TTC28: variants seen among roughly 807,000 people sequenced by gnomAD.
TTC28 encodes the protein tetratricopeptide repeat protein 28.
Under a neutral mutation model 198.0 loss-of-function variants are expected in TTC28, and 61 were observed. The ratio of observed to expected loss-of-function variants is 0.31; its 90% confidence interval spans 0.25 to 0.38. The LOEUF (loss-of-function observed/expected upper bound fraction) is 0.38. Among genes scored for constraint, TTC28 ranks in the 10% least tolerant of loss-of-function variants. The pLI is 1.00. For missense variants in TTC28, 2,678 were observed against 3,164.0 expected (o/e 0.85, Z 3.69); for synonymous variants, 1,171 against 1,297.8 (o/e 0.90, Z 2.10).
At chr22:28,061,065 T>C (rs1283737081) in intron 12 of TTC28, among the ~76,000 whole-genome samples, 1 of 152,156 alleles carries the variant, frequency 6.6e-6, no homozygotes, top group Non-Finnish European at 1.5e-5. Context: ...TTTGATGAGG[T>C]TGTTTGATTT....
At chr22:28,454,293 C>T (rs2047826557) in intron 2 of TTC28, among the ~76,000 whole-genome samples, 1 of 152,156 alleles carries the variant, frequency 6.6e-6, no homozygotes, top group Non-Finnish European at 1.5e-5. Flanking sequence ...CATTTGTTAT[C>T]CAATCCTTAA....
chr22:28,653,181 G>A (rs181310805), intron 1 of TTC28, among the ~76,000 whole-genome samples: 125 of 152,202 alleles, frequency 8.2e-4, no homozygotes, highest in African/African-American at 2.8e-3. Context: ...CTTTGGAGCA[G>A]GTCTACTCCC....
rs1019393807 is a variant in TTC28, at chr22:28,167,687, A to G, written c.934-4088T>C. Among the ~76,000 whole-genome samples, 3 of 152,214 alleles carry G rather than the reference A, an allele frequency of 2.0e-5. No homozygotes were observed. The South Asian group carries it at 6.2e-4, about 32-fold the overall frequency. ...GAAGTATCTCAAAATAGTAAGAGCT[A>G]TCTATGGCAAACCCACAGCCAATAT... On this transcript the variant is annotated intron_variant, in intron 5 of 22. Transcript: ENST00000397906.
chr22:28,486,259 G>A (rs1332721082), intron 2 of TTC28, among the ~76,000 whole-genome samples: 1 of 152,066 alleles, frequency 6.6e-6, no homozygotes, highest in African/African-American at 2.4e-5. Flanking sequence ...TGAAAAACAG[G>A]TATTTCCAGG....
intron 2 of TTC28, among the ~76,000 whole-genome samples, chr22:28,546,296 A>G (rs7289516): frequency 0.54 from 82,368 of 151,918 alleles, 22,933 homozygotes; most frequent in East Asian, 0.66. Flanking sequence ...AAATACAAAA[A>G]TTAGCCAGGT....
chr22:28,523,876 G>C (rs1017121527), intron 2 of TTC28, among the ~76,000 whole-genome samples: 1 of 152,128 alleles, frequency 6.6e-6, no homozygotes, highest in African/African-American at 2.4e-5. Context: ...TAAATGCCAA[G>C]CACAGTACTA....
chr22:28,330,785 A>C (rs557285680), intron 2 of TTC28, among the ~76,000 whole-genome samples: 39 of 152,300 alleles, frequency 2.6e-4, no homozygotes, highest in African/African-American at 8.7e-4. Context: ...AAAGCATATA[A>C]TCAACTTGGG....
intron 2 of TTC28, among the ~76,000 whole-genome samples, chr22:28,346,839 G>C (rs1280171792): frequency 6.6e-6 from 1 of 152,136 alleles, no homozygotes; most frequent in Non-Finnish European, 1.5e-5. Flanking sequence ...TAAGCACATT[G>C]CATTGCACAG....
At chr22:28,211,408 C>A (rs1223894205) in intron 5 of TTC28, among the ~76,000 whole-genome samples, 3 of 152,018 alleles carry the variant, frequency 2.0e-5, no homozygotes, top group African/African-American at 4.8e-5. Flanking sequence ...CAGACACACA[C>A]ATAGGCTCAA....
At chr22:28,054,055 A>G (rs898441755) in intron 12 of TTC28, among the ~76,000 whole-genome samples, 1 of 152,194 alleles carries the variant, frequency 6.6e-6, no homozygotes, top group Non-Finnish European at 1.5e-5. Flanking sequence ...GGAAAATAGA[A>G]TAACAACCCC....
In TTC28 at chr22:27,996,550, T is replaced by C. The variant is rs1320491550; in HGVS notation, c.5120-291A>G. 3.4e-5 allele frequency: 12 copies of C among 356,390 alleles called. No homozygotes were observed. In the East Asian group the frequency reaches 5.5e-4, roughly 16 times the overall value. 22.1% of individuals were successfully genotyped at this position (356,390 alleles called of 1,614,324 possible). A position where few individuals can be genotyped will look rare whatever the true frequency, so the allele number is the denominator to read the frequency against. On this transcript the variant is annotated intron_variant, in intron 16 of 22. Transcript: ENST00000397906. ...TGCAGTAGGAAAACCTGCCTTGTTT[T>C]CTCTGAAATTCATCTTTGTCTATCC...
intron 12 of TTC28, 92 bp from the exon 13 acceptor site, chr22:28,030,458 A>G (rs1244593088): frequency 4.1e-6 from 6 of 1,479,452 alleles, no homozygotes; most frequent in Non-Finnish European, 5.4e-6. Flanking sequence ...TCTGTCACCA[A>G]ACGAACCTCT....
intron 2 of TTC28, among the ~76,000 whole-genome samples, chr22:28,562,805 G>C (rs1025858460): frequency 1.3e-5 from 2 of 152,180 alleles, no homozygotes; most frequent in Non-Finnish European, 2.9e-5. Flanking sequence ...CTTCATCAGA[G>C]GAAGGGTTTT....
At chr22:28,374,171 A>G (rs1407161768) in intron 2 of TTC28, among the ~76,000 whole-genome samples, 2 of 152,236 alleles carry the variant, frequency 1.3e-5, no homozygotes, top group Non-Finnish European at 2.9e-5. Flanking sequence ...TACAGAGAAG[A>G]CATTTGCTTT....
intron 2 of TTC28, among the ~76,000 whole-genome samples, chr22:28,404,048 A>C (rs960793498): frequency 6.6e-6 from 1 of 152,224 alleles, no homozygotes; most frequent in Non-Finnish European, 1.5e-5. Flanking sequence ...GGCAAATGAC[A>C]CATAGCTACT....
At chr22:28,446,540 G>A (rs2146243100) in intron 2 of TTC28, among the ~76,000 whole-genome samples, 1 of 152,200 alleles carries the variant, frequency 6.6e-6, no homozygotes, top group Non-Finnish European at 1.5e-5. Flanking sequence ...AGAGCTGGTT[G>A]TTTAAAACAG....
intron 2 of TTC28, among the ~76,000 whole-genome samples, chr22:28,562,098 A>C (rs1318228316): frequency 6.6e-6 from 1 of 152,224 alleles, no homozygotes; most frequent in Non-Finnish European, 1.5e-5. Flanking sequence ...TGAATTAGAC[A>C]CTTAGATCAC....
chr22:28,629,875 A>C (rs532107345), intron 1 of TTC28, 45 bp from the exon 2 acceptor site: 1 of 1,492,584 alleles, frequency 6.7e-7, no homozygotes, highest in East Asian at 2.5e-5. Context: ...GATAATCCAG[A>C]TGGGTTCCCC....
At chr22:28,045,818 G>T (rs1200804705) in intron 12 of TTC28, among the ~76,000 whole-genome samples, 1 of 152,160 alleles carries the variant, frequency 6.6e-6, no homozygotes, top group Non-Finnish European at 1.5e-5. Context: ...ACAAAAATTA[G>T]CCGGGTGTGG....
Sources: gnomAD v4.1 joint callset for allele counts (sites outside exome capture counted in the v4.1 genomes callset) on GRCh38, gnomAD v4.1.1 for gene constraint, MANE v1.5 for transcripts, NCBI Gene and HGNC (gene_info 2026-07-23, HGNC 2026-07-21) for gene names.